Variants in CFAP20DC observed in about 807,000 individuals in gnomAD.
The protein encoded by CFAP20DC is protein CFAP20DC.
Under a neutral mutation model 101.7 loss-of-function variants are expected in CFAP20DC, and 84 were observed. The ratio of observed to expected loss-of-function variants is 0.83; its 90% CI spans 0.69 to 0.99. The LOEUF is 0.99. CFAP20DC is among the 50% of genes least tolerant of loss of function. The probability of loss-of-function intolerance (pLI) is 0.00; values close to 1 mark genes in which losing one functional copy is unlikely to be tolerated. For synonymous variants in CFAP20DC, 359 were observed against 351.2 expected, an observed-to-expected ratio of 1.02 and a Z score of -0.25; for missense variants, 1,007 against 970.3, an observed-to-expected ratio of 1.04 and a Z score of -0.50.
rs534920714 is a variant in CFAP20DC, at chr3:58,882,021, G to T, written c.715+2524C>A. 1.3e-5 allele frequency among the ~76,000 whole-genome samples: 2 copies of T among 152,254 alleles called. No individual in the cohort carries two copies. The highest frequency in any genetic ancestry group is 6.5e-5 in the Admixed American group (1 of 15,294). On this transcript the variant is annotated intron_variant, in intron 7 of 16. Transcript: ENST00000482387. This position sits in a 1 kb window ranked among gnomAD's most constrained non-coding sequence, Gnocchi z 4.2. Reference sequence around the variant, plus strand: ...AAGAGAACCACAAAGTGCAATTTATGTTTGTGTAATCTTAGCTGGCATACA... The same window carrying T: ...AAGAGAACCACAAAGTGCAATTTATTTTTGTGTAATCTTAGCTGGCATACA...
At chr3:58,755,139 T>C (rs2068846180) in intron 15 of CFAP20DC, among the ~76,000 whole-genome samples, 1 of 152,164 alleles carries the variant, frequency 6.6e-6, no homozygotes, top group African/African-American at 2.4e-5. Context: ...AAAAGCATAT[T>C]AATGTCAAAA....
downstream of CFAP20DC, among the ~76,000 whole-genome samples, chr3:58,716,306 C>T (rs544199472): frequency 3.0e-4 from 46 of 151,542 alleles, no homozygotes; most frequent in Non-Finnish European, 4.7e-4. Flanking sequence ...GGACTACAGG[C>T]GCCCGCCACC....
intron 5 of CFAP20DC, among the ~76,000 whole-genome samples, chr3:58,918,353 C>T (rs1200385281): frequency 6.6e-6 from 1 of 152,126 alleles, no homozygotes; most frequent in Non-Finnish European, 1.5e-5. Flanking sequence ...AATCTTCATT[C>T]AATCACTCCC....
At chr3:58,803,223 C>T (rs1365140372) in intron 15 of CFAP20DC, among the ~76,000 whole-genome samples, 8 of 152,174 alleles carry the variant, frequency 5.3e-5, no homozygotes, top group Non-Finnish European at 1.0e-4. Context: ...TTGTCCACAC[C>T]ACCCCGTCTC....
intron 4 of CFAP20DC, among the ~76,000 whole-genome samples, chr3:58,985,514 A>T (rs188602802): frequency 9.7e-4 from 148 of 152,278 alleles, no homozygotes; most frequent in Middle Eastern, 3.4e-3. Context: ...GAATAAAATT[A>T]AAAAATCGGT....
In CFAP20DC at chr3:58,914,754, G is replaced by A. The variant is rs1343621651; in HGVS notation, c.394-890C>T. Reference sequence around the variant, plus strand: ...CTAGGAATGCTGATTTTAATATGGAGGTGAACCTTAGGTTGCTTCCACAGT... The same window carrying A: ...CTAGGAATGCTGATTTTAATATGGAAGTGAACCTTAGGTTGCTTCCACAGT... On this transcript the variant is annotated intron_variant, in intron 5 of 16. Transcript: ENST00000482387. This position sits in a 1 kb window ranked among gnomAD's most constrained non-coding sequence, Gnocchi z 4.9. The A allele has an allele frequency of 6.6e-6, 1 of 150,854 alleles. No individual in the cohort carries two copies. The highest frequency in any genetic ancestry group is 1.9e-4 in the East Asian group (1 of 5,164). 9.3% of individuals were successfully genotyped at this position (150,854 alleles called of 1,614,324 possible). A position where few individuals can be genotyped will look rare whatever the true frequency, so the allele number is the denominator to read the frequency against.
intron 4 of CFAP20DC, among the ~76,000 whole-genome samples, chr3:58,962,173 A>G (rs558201281): frequency 2.0e-5 from 3 of 152,250 alleles, no homozygotes; most frequent in African/African-American, 7.2e-5. Context: ...CCCTTTAACC[A>G]CTACTTTGGC....
chr3:58,782,592 G>A (rs746152979), intron 15 of CFAP20DC, among the ~76,000 whole-genome samples: 1 of 151,960 alleles, frequency 6.6e-6, no homozygotes, highest in Non-Finnish European at 1.5e-5. Flanking sequence ...AGGATACAAA[G>A]TCAACATACA....
At chr3:59,048,030 C>G (rs1038667947) in intron 1 of CFAP20DC, among the ~76,000 whole-genome samples, 1 of 152,178 alleles carries the variant, frequency 6.6e-6, no homozygotes, top group Non-Finnish European at 1.5e-5. Context: ...TGTCTACAGA[C>G]AGCCTACTGG....
chr3:58,718,866 G>A (rs1367667200), intron 3 of CFAP20DC, among the ~76,000 whole-genome samples: 2 of 152,326 alleles, frequency 1.3e-5, no homozygotes, highest in Middle Eastern at 3.4e-3. Flanking sequence ...TTAATCTGGG[G>A]AGGGAGGGCT....
chr3:58,886,414 T>C (rs1165799561), intron 6 of CFAP20DC, among the ~76,000 whole-genome samples: 3 of 152,030 alleles, frequency 2.0e-5, no homozygotes, highest in Admixed American at 6.6e-5. Context: ...ATCTCAACCA[T>C]AGAAAATAAA....
rs1452925884 is a variant in CFAP20DC, at chr3:59,035,943, CT to C, written c.278+3613del. Among the ~76,000 whole-genome samples, 4 of 152,188 alleles carry C rather than the reference CT, an allele frequency of 2.6e-5. No homozygotes were observed. The East Asian group carries it at 7.7e-4, about 29-fold the overall frequency. On this transcript the variant is annotated intron_variant, in intron 4 of 16. Coordinates refer to ENST00000482387, the MANE Select transcript of CFAP20DC (RefSeq NM_001394063.1). ...CCCTGATGAACATGGATGCAAAAAG[CT>C]TATCCACCACAATCAAGTTGGCTTC...
intron 14 of CFAP20DC, among the ~76,000 whole-genome samples, chr3:58,816,552 G>T (rs1347797621): frequency 1.3e-5 from 2 of 152,118 alleles, no homozygotes; most frequent in Non-Finnish European, 2.9e-5. Context: ...AAAATCGGGT[G>T]ACTCCCACCC....
Position 58,971,538 on chromosome 3 carries a change from G to A in CFAP20DC, c.279-33776C>T, listed in dbSNP as rs1029206623. On this transcript the variant is annotated intron_variant, in intron 4 of 16. Transcript: ENST00000482387. This position sits in a 1 kb window ranked among gnomAD's most constrained non-coding sequence, Gnocchi z 4.1. ...TACATTCTCTTTTTCATTTTTACACGAAAATCTCACACATATTTAAATAGA... is the reference window on the plus strand; with the variant it reads ...TACATTCTCTTTTTCATTTTTACACAAAAATCTCACACATATTTAAATAGA... Among the ~76,000 whole-genome samples, 6 of 151,592 alleles carry A rather than the reference G, an allele frequency of 4.0e-5. No homozygotes were observed. The highest frequency in any genetic ancestry group is 7.4e-5 in the Non-Finnish European group (5 of 67,946).
downstream of CFAP20DC, among the ~76,000 whole-genome samples, chr3:58,740,776 T>A (rs2067863631): frequency 6.6e-6 from 1 of 152,190 alleles, no homozygotes; most frequent in Admixed American, 6.5e-5. This position sits in a 1 kb window ranked among gnomAD's most constrained non-coding sequence, Gnocchi z 4.6. Flanking sequence ...CTTATTTATG[T>A]CATATGTCCC....
chr3:58,801,858 A>G (rs968392039), intron 15 of CFAP20DC, among the ~76,000 whole-genome samples: 1 of 152,236 alleles, frequency 6.6e-6, no homozygotes, highest in Non-Finnish European at 1.5e-5. Flanking sequence ...CACAATCTGC[A>G]ATGACATTTT....
At chr3:58,841,518 T>C (rs1418608319) in intron 13 of CFAP20DC, among the ~76,000 whole-genome samples, 1 of 152,244 alleles carries the variant, frequency 6.6e-6, no homozygotes, top group African/African-American at 2.4e-5. Flanking sequence ...ACTCCAATAC[T>C]GAGTTTAAAT....
chr3:58,849,476 A>G (rs2078026832), intron 12 of CFAP20DC, 67 bp from the exon 13 acceptor site: 1 of 1,164,454 alleles, frequency 8.6e-7, no homozygotes, highest in Non-Finnish European at 1.2e-6. Context: ...TACTGAGTAC[A>G]AGTTCTTAAT....
At chr3:59,025,443 C>T (rs2093876521) in intron 4 of CFAP20DC, among the ~76,000 whole-genome samples, 1 of 152,020 alleles carries the variant, frequency 6.6e-6, no homozygotes, top group African/African-American at 2.4e-5. Flanking sequence ...AAATGTTTCA[C>T]AAGAACAATT....
Sources: gnomAD v4.1 joint callset for allele counts (sites outside exome capture counted in the v4.1 genomes callset) on GRCh38, gnomAD v4.1.1 for gene constraint, Gnocchi (gnomAD v3.1) non-coding constraint, MANE v1.5 for transcripts, NCBI Gene and HGNC (gene_info 2026-07-23, HGNC 2026-07-21) for gene names.